The following NFYC variants were observed in gnomAD, a reference collection of about 807,000 sequenced individuals.
NFYC encodes CAAT box DNA-binding protein subunit C.
Under a neutral mutation model 53.1 loss-of-function variants are expected in NFYC, and 25 were observed. The observed-to-expected ratio is 0.47, with a 90% CI of 0.34 to 0.66. The LOEUF is 0.66. Among genes scored for constraint, NFYC ranks in the 30% least tolerant of loss-of-function variants. The probability of loss-of-function intolerance (pLI) is 0.01; values close to 1 mark genes in which losing one functional copy is unlikely to be tolerated. For synonymous variants in NFYC, 145 were observed against 152.6 expected (o/e 0.95, Z 0.37); for missense variants, 260 against 422.7 (o/e 0.62, Z 3.38).
intron 2 of NFYC, among the ~76,000 whole-genome samples, chr1:40,742,086 C>T (rs1257084723): frequency 4.0e-5 from 6 of 151,738 alleles, no homozygotes; most frequent in African/African-American, 9.7e-5. Context: ...AAAAAAAAAT[C>T]TTATGTAGAG....
At chr1:40,710,861 G>A (rs1323615596) in intron 1 of NFYC, among the ~76,000 whole-genome samples, 2 of 152,162 alleles carry the variant, frequency 1.3e-5, no homozygotes, top group Non-Finnish European at 2.9e-5. Context: ...AAACTGCTGG[G>A]GAGTTGAAAG....
intron 5 of NFYC, among the ~76,000 whole-genome samples, chr1:40,755,304 C>G (rs1230520629): frequency 6.6e-6 from 1 of 152,216 alleles, no homozygotes; most frequent in Non-Finnish European, 1.5e-5. Flanking sequence ...GGGGAGGCCA[C>G]TGCTAAAGTT....
At chr1:40,758,381 A>G in intron 6 of NFYC, 87 bp downstream of exon 6, 1 of 1,382,670 alleles carries the variant, frequency 7.2e-7, no homozygotes, top group Non-Finnish European at 9.7e-7. Flanking sequence ...GCAGAGAGGC[A>G]GCCAGATCAT....
chr1:40,730,234 GTC>G (rs1644708237), intron 1 of NFYC, among the ~76,000 whole-genome samples: 1 of 131,592 alleles, frequency 7.6e-6, no homozygotes, highest in Non-Finnish European at 1.6e-5. Flanking sequence ...GATAGGGGGT[GTC>G]TCTCTGTGTT....
intron 1 of NFYC, among the ~76,000 whole-genome samples, chr1:40,704,327 T>C (rs1348189831): frequency 6.6e-6 from 1 of 152,158 alleles, no homozygotes; most frequent in Non-Finnish European, 1.5e-5. Flanking sequence ...CCCCTCAGCC[T>C]CCCAAAGTGC....
intron 1 of NFYC, among the ~76,000 whole-genome samples, chr1:40,702,894 G>A (rs947838001): frequency 3.3e-5 from 5 of 152,034 alleles, no homozygotes; most frequent in Admixed American, 6.5e-5. Context: ...TCGGCTCACT[G>A]CATCCTCCAC....
chr1:40,770,146 TGTGA>T lies in NFYC; in HGVS notation c.889-560_889-557del, dbSNP rs1647014690. On this transcript the variant is annotated intron_variant, in intron 9 of 9. Transcript: ENST00000447388. The surrounding 1 kb of genome is among the most constrained non-coding windows in gnomAD (Gnocchi z 5.3). The stretch of plus-strand genomic sequence containing the variant: ...TAGCCCTGACCTTCCTAAGTGGCTG[TGTGA>T]GTATCTTCTCCACCCCTGGAGCGTC... 6.6e-6 allele frequency among the ~76,000 whole-genome samples: 1 copy of T among 152,204 alleles called. No homozygotes were observed. The highest frequency in any genetic ancestry group is 6.5e-5 in the Admixed American group (1 of 15,284).
At position 40,701,951 on chromosome 1, in the gene NFYC, C is replaced by A. The variant is rs535025253; in HGVS notation, c.-9+10084C>A. 7.9e-5 allele frequency among the ~76,000 whole-genome samples: 12 copies of A among 152,194 alleles called. 1 individual carries two copies. The Middle Eastern group carries it at 0.014, about 173-fold the overall frequency. On this transcript the variant is annotated intron_variant, in intron 1 of 9. Transcript: ENST00000447388. The stretch of plus-strand genomic sequence containing the variant: ...AATCTGTTTAGCTGTAAAGATTGGG[C>A]TTTTTTTCTTGCTGCTGCACATGAC...
intron 1 of NFYC, among the ~76,000 whole-genome samples, chr1:40,730,982 T>C (rs990957681): frequency 3.3e-5 from 5 of 152,262 alleles, no homozygotes; most frequent in East Asian, 3.9e-4. Context: ...TGGTTTTTTT[T>C]CCAGTACTCT....
chr1:40,738,887 C>G lies in NFYC; in HGVS notation c.44C>G (p.Ala15Gly). The change falls in exon 2 of 10, where the codon GCC becomes GGC. Residue 15 changes from alanine (A) to glycine (G), a missense_variant. By Grantham distance (60) the Ala-to-Gly change is moderately conservative. Coordinates refer to ENST00000447388, the MANE Select transcript of NFYC (RefSeq NM_014223.5). ...GGFGGTSSSD[A>G]QQSLQSFWPR... ...TTTGGTGGTACTAGCAGCAGTGATG[C>G]CCAGCAAAGCCTACAGTCGTTCTGG... 1 of 1,614,094 alleles carries G rather than the reference C, an allele frequency of 6.2e-7. No individual in the cohort carries two copies. Among genetic ancestry groups the G allele is most frequent in the South Asian group, 1.1e-5 (1 of 91,086 alleles).
At chr1:40,692,995 T>C (rs1368500870) in intron 1 of NFYC, among the ~76,000 whole-genome samples, 2 of 152,158 alleles carry the variant, frequency 1.3e-5, no homozygotes, top group Non-Finnish European at 2.9e-5. Context: ...TTAGCAAATA[T>C]TAGGTAGTTG....
chr1:40,733,446 T>C (rs12132875), intron 1 of NFYC, among the ~76,000 whole-genome samples: 1 of 149,642 alleles, frequency 6.7e-6, no homozygotes, highest in East Asian at 2.0e-4. Flanking sequence ...GATCACACCA[T>C]TGCACTCCAG....
intron 1 of NFYC, chr1:40,721,520 G>A (rs1038630781): frequency 4.6e-5 from 7 of 151,778 alleles, no homozygotes; most frequent in African/African-American, 1.7e-4. Flanking sequence ...CCTAGCTTGT[G>A]GAAGTCTTAG....
chr1:40,721,073 A>G (rs1644310458), intron 1 of NFYC, among the ~76,000 whole-genome samples: 1 of 152,200 alleles, frequency 6.6e-6, no homozygotes, highest in South Asian at 2.1e-4. Context: ...AAAAAAAGAG[A>G]ACATGTTACA....
chr1:40,692,142 G>C (rs1008957358), intron 1 of NFYC: 2 of 189,288 alleles, frequency 1.1e-5, no homozygotes, highest in Non-Finnish European at 2.3e-5. Flanking sequence ...GTGATTGGTC[G>C]GTGGCGGGGA....
At position 40,771,280 on chromosome 1, in the gene NFYC, G is replaced by T; in HGVS notation, c.*452G>T. On this transcript the variant is annotated 3_prime_UTR_variant, in exon 10 of 10. Transcript: ENST00000447388. ...CCCCCAAGACTTGCCACGTTGTTCT[G>T]CCCTCAGATGGAATTAGGTGAATGT... The T allele has an allele frequency of 3.0e-6, 1 of 334,484 alleles. No individual in the cohort carries two copies. Among genetic ancestry groups the T allele is most frequent in the South Asian group, 2.5e-5 (1 of 40,382 alleles). 20.7% of individuals were successfully genotyped at this position (334,484 alleles called of 1,614,324 possible).
chr1:40,738,852 A>G lies in NFYC; in HGVS notation c.9A>G (p.Thr3=), dbSNP rs1393777758. The change falls in exon 2 of 10, where the codon ACA becomes ACG. Residue 3 remains threonine (T), a synonymous_variant. Coordinates refer to ENST00000447388, the MANE Select transcript of NFYC (RefSeq NM_014223.5). MS[T]EGGFGGTSSS... ...TATTTTCAGTTGTCGAGATGTCCACAGAAGGAGGATTTGGTGGTACTAGCA... is the reference window on the plus strand; with the variant it reads ...TATTTTCAGTTGTCGAGATGTCCACGGAAGGAGGATTTGGTGGTACTAGCA... 3 of 1,613,674 alleles carry G rather than the reference A, an allele frequency of 1.9e-6. No individual in the cohort carries two copies. The highest frequency in any genetic ancestry group is 1.6e-4 in the Middle Eastern group (1 of 6,078).
At chr1:40,731,472 C>CTTTCTT (rs1006515311) in intron 1 of NFYC, among the ~76,000 whole-genome samples, 6 of 150,168 alleles carry the variant, frequency 4.0e-5, no homozygotes, top group African/African-American at 7.4e-5. Context: ...CGCACCTGGC[C>CTTTCTT]TTTCTTTTTC....
Position 40,771,224 on chromosome 1 carries a change from C to T in NFYC, c.*396C>T, listed in dbSNP as rs1227460185. On this transcript the variant is annotated 3_prime_UTR_variant, in exon 10 of 10. Coordinates refer to ENST00000447388, the MANE Select transcript of NFYC (RefSeq NM_014223.5). ...AGGAGCAAATCTCCCCAGGGGTGTACGGTATTTCTTGACTCTGGGAACAGC... is the reference window on the plus strand; with the variant it reads ...AGGAGCAAATCTCCCCAGGGGTGTATGGTATTTCTTGACTCTGGGAACAGC... 7 of 311,970 alleles carry T rather than the reference C, an allele frequency of 2.2e-5. No homozygotes were observed. Among genetic ancestry groups the T allele is most frequent in the South Asian group, 1.2e-4 (4 of 34,682 alleles). 19.3% of individuals were successfully genotyped at this position (311,970 alleles called of 1,614,324 possible). A position where few individuals can be genotyped will look rare whatever the true frequency, so the allele number is the denominator to read the frequency against.
Sources: gnomAD v4.1 joint callset for allele counts (sites outside exome capture counted in the v4.1 genomes callset) on GRCh38, gnomAD v4.1.1 for gene constraint, Gnocchi (gnomAD v3.1) non-coding constraint, MANE v1.5 for transcripts, NCBI Gene and HGNC (gene_info 2026-07-23, HGNC 2026-07-21) for gene names.